DACH1: variants seen among roughly 807,000 people sequenced by gnomAD.
DACH1 encodes dachshund family transcription factor 1, also known as dachshund homolog 1.
In DACH1, 12 loss-of-function variants were observed where a neutral mutation model predicts 54.2. The ratio of observed to expected loss-of-function variants is 0.22; its 90% CI spans 0.14 to 0.36. The LOEUF (loss-of-function observed/expected upper bound fraction) is 0.36, where lower values mean the gene tolerates loss of function less well. DACH1 is among the 10% of genes least tolerant of loss of function. The pLI is 1.00. For synonymous variants in DACH1, 386 were observed against 366.2 expected, an observed-to-expected ratio of 1.05 and a Z score of -0.62; for missense variants, 805 against 929.8, an observed-to-expected ratio of 0.87 and a Z score of 1.75.
intron 6 of DACH1, among the ~76,000 whole-genome samples, chr13:71,542,915 T>C (rs1477086132): frequency 2.0e-5 from 3 of 152,148 alleles, no homozygotes; most frequent in Non-Finnish European, 4.4e-5. Flanking sequence ...AGCTCAGCTA[T>C]TTTACTATCA....
intron 1 of DACH1, among the ~76,000 whole-genome samples, chr13:71,782,742 C>A (rs1233309697): frequency 6.6e-6 from 1 of 151,980 alleles, no homozygotes; most frequent in East Asian, 1.9e-4. Flanking sequence ...CCTAACAATC[C>A]TGAGAAATCA....
chr13:71,669,366 C>T (rs1310649315), intron 2 of DACH1, among the ~76,000 whole-genome samples: 1 of 152,138 alleles, frequency 6.6e-6, no homozygotes, highest in African/African-American at 2.4e-5. Context: ...ATCAGGAACC[C>T]TATTGTGAAC....
intron 3 of DACH1, among the ~76,000 whole-genome samples, chr13:71,608,013 G>T (rs899715593): frequency 6.6e-6 from 1 of 151,594 alleles, no homozygotes; most frequent in East Asian, 1.9e-4. Context: ...TAATGAGAAA[G>T]ATGTAGATTA....
intron 6 of DACH1, among the ~76,000 whole-genome samples, chr13:71,547,846 C>T (rs1883557593): frequency 6.6e-6 from 1 of 152,130 alleles, no homozygotes; most frequent in Admixed American, 6.5e-5. Context: ...GCCCTGCAAA[C>T]AAGGCTGACT....
At chr13:71,766,249 T>C (rs1339924342) in intron 1 of DACH1, among the ~76,000 whole-genome samples, 1 of 152,228 alleles carries the variant, frequency 6.6e-6, no homozygotes, top group East Asian at 1.9e-4. Context: ...ATTCTCCATC[T>C]GTACCCTCTT....
intron 2 of DACH1, among the ~76,000 whole-genome samples, chr13:71,655,359 CTT>C (rs764085708): frequency 1.4e-5 from 2 of 143,030 alleles, no homozygotes; most frequent in African/African-American, 5.1e-5. Context: ...GGTGATGTCT[CTT>C]TTTTTTTTTA....
chr13:71,510,922 T>G (rs1880726499), intron 6 of DACH1, among the ~76,000 whole-genome samples: 1 of 152,018 alleles, frequency 6.6e-6, no homozygotes, highest in Admixed American at 6.6e-5. Flanking sequence ...ATTATCTCCT[T>G]TTCATCATAA....
At chr13:71,719,418 C>T (rs559620994) in intron 1 of DACH1, among the ~76,000 whole-genome samples, 1 of 152,280 alleles carries the variant, frequency 6.6e-6, no homozygotes, top group East Asian at 1.9e-4. Context: ...ACAAACTTAA[C>T]ACCCCACATT....
At chr13:71,547,592 A>C (rs1300816100) in intron 6 of DACH1, among the ~76,000 whole-genome samples, 2 of 152,158 alleles carry the variant, frequency 1.3e-5, no homozygotes, top group Non-Finnish European at 2.9e-5. Context: ...CTCTCTAGGA[A>C]TAATTTGTCA....
intron 6 of DACH1, among the ~76,000 whole-genome samples, chr13:71,549,104 A>AG (rs933407216): frequency 6.6e-6 from 1 of 152,084 alleles, no homozygotes; most frequent in African/African-American, 2.4e-5. Flanking sequence ...AGTAAATTGC[A>AG]GGAAAAAAAA....
At chr13:71,552,093 G>A (rs1443355681) in intron 6 of DACH1, among the ~76,000 whole-genome samples, 1 of 151,946 alleles carries the variant, frequency 6.6e-6, no homozygotes, top group Non-Finnish European at 1.5e-5. Context: ...TATTTCTTAT[G>A]AAAACAAATG....
chr13:71,770,659 G>A (rs772292106), intron 1 of DACH1, among the ~76,000 whole-genome samples: 33 of 151,546 alleles, frequency 2.2e-4, no homozygotes, highest in Non-Finnish European at 4.4e-4. Context: ...GGTAGAAAAC[G>A]TAATTTATTT....
chr13:71,800,830 A>G (rs1594238189), intron 1 of DACH1, among the ~76,000 whole-genome samples: 1 of 149,338 alleles, frequency 6.7e-6, no homozygotes, highest in South Asian at 2.1e-4. Flanking sequence ...CATTTTAATT[A>G]TTATTAATAA....
At position 71,716,180 on chromosome 13, in the gene DACH1, T is replaced by A. The variant is rs193094861; in HGVS notation, c.849-34270A>T. ...ACTTCTTAGCTTAATAATCATCATC[T>A]TCTATTGATTCTGCCTATGATACAT... is the stretch of plus-strand genomic sequence containing the variant. On this transcript the variant is annotated intron_variant, in intron 1 of 10. Transcript: ENST00000613252. Among the ~76,000 whole-genome samples, 9 of 152,170 alleles carry A rather than the reference T, an allele frequency of 5.9e-5. No individual in the cohort carries two copies. The East Asian group carries it at 1.7e-3, about 29-fold the overall frequency.
At position 71,791,674 on chromosome 13, in the gene DACH1, G is replaced by C. The variant is rs148892373; in HGVS notation, c.848+74248C>G. On this transcript the variant is annotated intron_variant, in intron 1 of 10. Coordinates refer to ENST00000613252, the MANE Select transcript of DACH1 (RefSeq NM_080759.6). ...GCTGGGATTATAGGCATGAGCCACC[G>C]CTCCTGGCCTGAGTGTGGAACTATT... Among the ~76,000 whole-genome samples, 7 of 152,224 alleles carry C rather than the reference G, an allele frequency of 4.6e-5. No individual in the cohort carries two copies. In the East Asian group the frequency reaches 1.4e-3, roughly 29 times the overall value.
intron 1 of DACH1, among the ~76,000 whole-genome samples, chr13:71,758,924 T>A (rs1001997874): frequency 2.3e-5 from 3 of 132,822 alleles, no homozygotes; most frequent in Non-Finnish European, 3.2e-5. Flanking sequence ...TTGTTGCCAG[T>A]CTTTGTCTTT....
intron 6 of DACH1, among the ~76,000 whole-genome samples, chr13:71,552,842 TAGAGAG>T (rs1167871695): frequency 0.011 from 138 of 12,480 alleles, 4 homozygotes; most frequent in African/African-American, 0.015. Flanking sequence ...TATATATATA[TAGAGAG>T]AGAGAGAGAG....
At chr13:71,756,297 C>T (rs2137993273) in intron 1 of DACH1, among the ~76,000 whole-genome samples, 1 of 152,016 alleles carries the variant, frequency 6.6e-6, no homozygotes, top group East Asian at 1.9e-4. Flanking sequence ...CCCGCCTTGG[C>T]CTCCCAAAGT....
At chr13:71,810,615 G>C (rs1197732555) in intron 1 of DACH1, among the ~76,000 whole-genome samples, 1 of 152,144 alleles carries the variant, frequency 6.6e-6, no homozygotes, top group African/African-American at 2.4e-5. Flanking sequence ...CTATGAATTT[G>C]TGTGTAGAAA....
Sources: allele counts gnomAD v4.1 joint callset (sites outside exome capture counted in the v4.1 genomes callset), GRCh38; gene constraint gnomAD v4.1.1; transcripts MANE v1.5; gene names NCBI Gene and HGNC (gene_info 2026-07-23, HGNC 2026-07-21).